Variants in COL28A1 observed in about 807,000 individuals in gnomAD.
COL28A1 encodes the protein collagen type XXVIII alpha 1 chain.
COL28A1 carries 161 observed loss-of-function variants against 150.2 expected under a neutral mutation model. That is an observed-to-expected ratio of 1.07 (90% CI 0.94 to 1.22). COL28A1 has a LOEUF of 1.22. Among genes scored for constraint, COL28A1 ranks in the 50% most tolerant of loss-of-function variants. The pLI, the probability that COL28A1 is intolerant of heterozygous loss-of-function variation, is 0.00. For missense variants in COL28A1, 1,617 were observed against 1,388.3 expected, an observed-to-expected ratio of 1.16 and a Z score of -2.62; for synonymous variants, 552 against 469.7, an observed-to-expected ratio of 1.18 and a Z score of -2.26.
intron 11 of COL28A1, among the ~76,000 whole-genome samples, chr7:7,500,652 A>G (rs1780469407): frequency 6.6e-6 from 1 of 152,156 alleles, no homozygotes; most frequent in South Asian, 2.1e-4. Flanking sequence ...CTCTTACCAA[A>G]ACCCTTTTTC....
intron 27 of COL28A1, among the ~76,000 whole-genome samples, chr7:7,391,112 T>C (rs150458827): frequency 0.04 from 6,143 of 152,298 alleles, 413 homozygotes; most frequent in African/African-American, 0.14. Context: ...TTGTGGGCAT[T>C]TCGTGCTATA....
chr7:7,370,114 T>A (rs1029209559), intron 33 of COL28A1, among the ~76,000 whole-genome samples: 7 of 152,208 alleles, frequency 4.6e-5, no homozygotes, highest in Non-Finnish European at 8.8e-5. Context: ...CAGTCACATT[T>A]GTTTCAATTG....
intron 13 of COL28A1, among the ~76,000 whole-genome samples, chr7:7,482,053 G>C (rs1779354335): frequency 6.6e-6 from 1 of 152,188 alleles, no homozygotes; most frequent in African/African-American, 2.4e-5. Flanking sequence ...AGGTCTCGGA[G>C]CTAGAATATT....
At chr7:7,463,586 A>C (rs1168420338) in intron 15 of COL28A1, among the ~76,000 whole-genome samples, 2 of 152,224 alleles carry the variant, frequency 1.3e-5, no homozygotes, top group Non-Finnish European at 2.9e-5. Context: ...TCATAAATGA[A>C]GGAAAGATAC....
At chr7:7,454,368 A>C (rs1363172531) in intron 16 of COL28A1, among the ~76,000 whole-genome samples, 1 of 152,216 alleles carries the variant, frequency 6.6e-6, no homozygotes, top group Non-Finnish European at 1.5e-5. Flanking sequence ...GGTTAAATTT[A>C]AGTAGAATTT....
intron 27 of COL28A1, among the ~76,000 whole-genome samples, chr7:7,402,568 T>C (rs766605440): frequency 6.6e-6 from 1 of 152,160 alleles, no homozygotes; most frequent in African/African-American, 2.4e-5. Context: ...CACTATGAGA[T>C]GAGATGAAAA....
chr7:7,430,174 T>G (rs1784882913), intron 25 of COL28A1, among the ~76,000 whole-genome samples: 1 of 152,204 alleles, frequency 6.6e-6, no homozygotes, highest in Non-Finnish European at 1.5e-5. Flanking sequence ...TCGCCCAGGC[T>G]GGAGTGCAGT....
At chr7:7,365,534 G>C (rs1444310373) in intron 33 of COL28A1, among the ~76,000 whole-genome samples, 2 of 152,122 alleles carry the variant, frequency 1.3e-5, no homozygotes, top group African/African-American at 2.4e-5. Flanking sequence ...AGTATCCCAA[G>C]AACATGTATG....
chr7:7,428,506 G>T (rs1269863883), intron 25 of COL28A1, among the ~76,000 whole-genome samples: 1 of 152,202 alleles, frequency 6.6e-6, no homozygotes, highest in African/African-American at 2.4e-5. Flanking sequence ...ACAAAGCTTT[G>T]GGGGTGAAAA....
chr7:7,371,515 C>T (rs1781221594), intron 32 of COL28A1, among the ~76,000 whole-genome samples: 1 of 152,334 alleles, frequency 6.6e-6, no homozygotes, highest in East Asian at 1.9e-4. Flanking sequence ...ATAGGCAGGG[C>T]ATGAGGCACT....
chr7:7,372,850 A>T, intron 32 of COL28A1, 148 bp downstream of exon 32: 1 of 639,714 alleles, frequency 1.6e-6, no homozygotes, highest in Non-Finnish European at 2.7e-6. Flanking sequence ...AACATTTTTA[A>T]TCTTCTGGAG....
At chr7:7,392,129 C>G (rs1026306234) in intron 27 of COL28A1, among the ~76,000 whole-genome samples, 18 of 152,158 alleles carry the variant, frequency 1.2e-4, no homozygotes, top group African/African-American at 3.4e-4. Flanking sequence ...TTGTTCCTTT[C>G]CATGTTTAGT....
At position 7,532,903 on chromosome 7, in the gene COL28A1, C is replaced by T; in HGVS notation, c.-28G>A. The stretch of plus-strand genomic sequence containing the variant: ...TGGTAGATGGTGAAAAATCATCTGT[C>T]TTGTAGCACCTTTAATAGAAAAGTC... On this transcript the variant is annotated 5_prime_UTR_variant, in exon 2 of 35. Transcript: ENST00000399429. 1 of 1,549,946 alleles carries T rather than the reference C, an allele frequency of 6.5e-7. No homozygotes were observed. Among genetic ancestry groups the T allele is most frequent in the Non-Finnish European group, 8.7e-7 (1 of 1,153,782 alleles).
At chr7:7,417,717 T>A in intron 27 of COL28A1, 142 bp downstream of exon 27, 1 of 702,990 alleles carries the variant, frequency 1.4e-6, no homozygotes, top group Admixed American at 2.5e-5. Context: ...CCAGATGATG[T>A]CTCTAAACAC....
intron 27 of COL28A1, among the ~76,000 whole-genome samples, chr7:7,407,534 T>C (rs574745186): frequency 3.3e-5 from 5 of 152,028 alleles, no homozygotes; most frequent in Admixed American, 2.6e-4. Flanking sequence ...CAGAGGAAAA[T>C]CTTTCATGCC....
At chr7:7,482,021 T>C (rs1779352243) in intron 13 of COL28A1, among the ~76,000 whole-genome samples, 1 of 152,186 alleles carries the variant, frequency 6.6e-6, no homozygotes, top group Non-Finnish European at 1.5e-5. Flanking sequence ...CACATAAAGA[T>C]GACAGATGAC....
At chr7:7,365,722 G>A (rs1780901314) in intron 33 of COL28A1, among the ~76,000 whole-genome samples, 1 of 152,194 alleles carries the variant, frequency 6.6e-6, no homozygotes, top group South Asian at 2.1e-4. Context: ...TAGTGTTTGT[G>A]TTAAGACTTA....
intron 27 of COL28A1, among the ~76,000 whole-genome samples, chr7:7,401,887 G>C (rs1014127099): frequency 6.6e-6 from 1 of 152,098 alleles, no homozygotes; most frequent in Non-Finnish European, 1.5e-5. Context: ...AATATGGCAG[G>C]CATGGATTCT....
intron 27 of COL28A1, among the ~76,000 whole-genome samples, chr7:7,403,039 A>G (rs1345067727): frequency 6.6e-6 from 1 of 152,140 alleles, no homozygotes; most frequent in Non-Finnish European, 1.5e-5. Context: ...AGAAATGATC[A>G]CTCATGGTGT....
Sources: allele counts gnomAD v4.1 joint callset (sites outside exome capture counted in the v4.1 genomes callset), GRCh38; gene constraint gnomAD v4.1.1; transcripts MANE v1.5; gene names NCBI Gene and HGNC (gene_info 2026-07-23, HGNC 2026-07-21).